Variants in AFAP1L1 observed in about 807,000 individuals in gnomAD.
AFAP1L1 encodes the protein actin filament-associated protein 1-like 1.
AFAP1L1 carries 77 observed loss-of-function variants against 99.8 expected under a neutral mutation model. That is an observed-to-expected ratio of 0.77 (90% CI 0.64 to 0.93). The LOEUF is 0.93. Ranked by LOEUF, AFAP1L1 falls within the 40% of genes least tolerant of loss-of-function variation. The pLI is 0.00. For missense variants in AFAP1L1, 893 were observed against 996.8 expected (o/e 0.90, Z 1.40); for synonymous variants, 373 against 395.3 (o/e 0.94, Z 0.67).
intron 16 of AFAP1L1, among the ~76,000 whole-genome samples, chr5:149,330,175 C>T (rs1479461850): frequency 6.6e-6 from 1 of 152,198 alleles, no homozygotes; most frequent in Non-Finnish European, 1.5e-5. Context: ...TCATTTTGAA[C>T]CGCACCTTCA....
intron 5 of AFAP1L1, among the ~76,000 whole-genome samples, chr5:149,305,365 C>T (rs1250338427): frequency 6.6e-6 from 1 of 152,320 alleles, no homozygotes; most frequent in South Asian, 2.1e-4. Flanking sequence ...CCAGGGACTG[C>T]CTGCATCAAA....
chr5:149,338,201 C>T lies in AFAP1L1; in HGVS notation c.2284-1806C>T, dbSNP rs536080937. On this transcript the variant is annotated intron_variant, in intron 18 of 18. Coordinates refer to ENST00000296721, the MANE Select transcript of AFAP1L1 (RefSeq NM_152406.4). ...CTTGGCCAGGCACAGTGGCTCACAC[C>T]TGTAATCCTAGCACTTTGGGTGGCT... 2.6e-5 allele frequency among the ~76,000 whole-genome samples: 4 copies of T among 152,316 alleles called. No individual in the cohort carries two copies. In the East Asian group the frequency reaches 7.7e-4, roughly 29 times the overall value.
chr5:149,316,619 G>T (rs970134994), intron 11 of AFAP1L1, among the ~76,000 whole-genome samples: 11 of 152,000 alleles, frequency 7.2e-5, no homozygotes, highest in Non-Finnish European at 1.5e-4. Flanking sequence ...ACAAGACAGG[G>T]GTATCTTATT....
intron 12 of AFAP1L1, 147 bp from the exon 13 acceptor site, chr5:149,319,435 G>A (rs1000141045): frequency 6.8e-6 from 6 of 878,196 alleles, no homozygotes; most frequent in Non-Finnish European, 1.0e-5. Flanking sequence ...ATTTCTGGAT[G>A]TGTGCTATAA....
At chr5:149,272,672 T>C (rs1450456896) in intron 1 of AFAP1L1, among the ~76,000 whole-genome samples, 1 of 152,186 alleles carries the variant, frequency 6.6e-6, no homozygotes, top group Non-Finnish European at 1.5e-5. Flanking sequence ...GAGGGCAGCA[T>C]TCGTAGGGGG....
rs752792827 is a variant in AFAP1L1 at position 149,335,636 on chromosome 5, C to A, written c.2197C>A (p.Leu733Ile). ...KPQNSVPEQP[L>I]PVNCVSELRK... ...CCAGAACAGCGTTCCAGAGCAACCTCTCCCTGTCAACTGTGTTTCTGAGCT... is the reference window on the plus strand; with the variant it reads ...CCAGAACAGCGTTCCAGAGCAACCTATCCCTGTCAACTGTGTTTCTGAGCT... The change falls in exon 18 of 19, where the codon CTC (leucine) becomes ATC (isoleucine). Residue 733 changes from leucine (L) to isoleucine (I), a missense_variant. By Grantham distance (5) the Leu-to-Ile change is conservative. Transcript: ENST00000296721. The A allele has an allele frequency of 3.7e-6, 6 of 1,613,126 alleles. No homozygotes were observed. The highest frequency in any genetic ancestry group is 5.1e-6 in the Non-Finnish European group (6 of 1,180,030).
rs778350434 is a variant in AFAP1L1 at position 149,322,580 on chromosome 5, G to C, written c.1699-26G>C. On this transcript the variant is annotated intron_variant, in intron 14 of 18. Coordinates refer to ENST00000296721, the MANE Select transcript of AFAP1L1 (RefSeq NM_152406.4). Reference sequence around the variant, plus strand: ...GATGAGTCTGCGCCTGCCTGAACTTGACTGTCTTCCTCCATCTCCCACCAG... The same window carrying C: ...GATGAGTCTGCGCCTGCCTGAACTTCACTGTCTTCCTCCATCTCCCACCAG... 3 of 1,541,406 alleles carry C rather than the reference G, an allele frequency of 1.9e-6. No individual in the cohort carries two copies. In the Admixed American group the frequency reaches 5.9e-5, roughly 30 times the overall value.
At chr5:149,284,501 G>A (rs1003699109) in intron 1 of AFAP1L1, among the ~76,000 whole-genome samples, 1 of 152,210 alleles carries the variant, frequency 6.6e-6, no homozygotes, top group Non-Finnish European at 1.5e-5. Flanking sequence ...GAAAGCAAAT[G>A]CCTAAAACTC....
chr5:149,326,927 G>T (rs1757112908), intron 15 of AFAP1L1, among the ~76,000 whole-genome samples: 1 of 152,178 alleles, frequency 6.6e-6, no homozygotes, highest in Non-Finnish European at 1.5e-5. Flanking sequence ...CAATAAAATA[G>T]TTCAGACAAG....
intron 16 of AFAP1L1, among the ~76,000 whole-genome samples, chr5:149,331,881 C>T (rs1316129589): frequency 6.6e-6 from 1 of 152,140 alleles, no homozygotes; most frequent in Admixed American, 6.5e-5. Flanking sequence ...TGTGATGCCA[C>T]AATGGCTGCA....
At chr5:149,274,677 G>A (rs1369959956) in intron 1 of AFAP1L1, among the ~76,000 whole-genome samples, 3 of 152,114 alleles carry the variant, frequency 2.0e-5, no homozygotes, top group Non-Finnish European at 4.4e-5. Flanking sequence ...TCAGGAGTTC[G>A]AGACCAGCCT....
intron 1 of AFAP1L1, among the ~76,000 whole-genome samples, chr5:149,293,643 C>G (rs997135861): frequency 6.6e-5 from 10 of 152,166 alleles, no homozygotes; most frequent in Non-Finnish European, 1.3e-4. Flanking sequence ...CAAATCTGTT[C>G]CTAATGCTAT....
In AFAP1L1 at chr5:149,342,003, G is replaced by A. The variant is rs939003573; in HGVS notation, c.*1973G>A. Among the ~76,000 whole-genome samples the A allele has an allele frequency of 2.0e-5, 3 of 152,096 alleles. No individual in the cohort carries two copies. Among genetic ancestry groups the A allele is most frequent in the African/African-American group, 7.2e-5 (3 of 41,380 alleles). ...GATGAACTCTCAGAGGAGTGGCTGG[G>A]GGTAATTAATAATTAACATTTATCA... On this transcript the variant is annotated 3_prime_UTR_variant, in exon 19 of 19. Coordinates refer to ENST00000296721, the MANE Select transcript of AFAP1L1 (RefSeq NM_152406.4).
intron 1 of AFAP1L1, among the ~76,000 whole-genome samples, chr5:149,273,328 A>G (rs897728810): frequency 6.6e-6 from 1 of 151,842 alleles, no homozygotes; most frequent in Non-Finnish European, 1.5e-5. Context: ...GAAGGGAGGA[A>G]AAAAAGAAGG....
chr5:149,305,124 G>A (rs1445097540), intron 5 of AFAP1L1, among the ~76,000 whole-genome samples: 1 of 152,216 alleles, frequency 6.6e-6, no homozygotes, highest in Non-Finnish European at 1.5e-5. Flanking sequence ...AATAACAGCT[G>A]GCACTTGTTT....
In AFAP1L1 at chr5:149,341,713, C is replaced by A. The variant is rs371863573; in HGVS notation, c.*1683C>A. ...TTGAGACTGTAGTGCACTATGATCA[C>A]GCCTGTGAATTGCCACTGCACTCCA... is the stretch of plus-strand genomic sequence containing the variant. On this transcript the variant is annotated 3_prime_UTR_variant, in exon 19 of 19. Transcript: ENST00000296721. 4.0e-5 allele frequency: 6 copies of A among 151,832 alleles called. No individual in the cohort carries two copies. The highest frequency in any genetic ancestry group is 1.5e-4 in the African/African-American group (6 of 41,298). The allele number at this position is 151,832 out of a possible 1,614,324, so 9.4% of individuals were successfully genotyped here.
intron 18 of AFAP1L1, among the ~76,000 whole-genome samples, chr5:149,336,363 G>A (rs1411039789): frequency 3.9e-5 from 6 of 152,188 alleles, no homozygotes; most frequent in Non-Finnish European, 8.8e-5. Context: ...CACCAAATGA[G>A]TCTATACCAA....
At chr5:149,279,978 G>A (rs1755463852) in intron 1 of AFAP1L1, among the ~76,000 whole-genome samples, 1 of 152,148 alleles carries the variant, frequency 6.6e-6, no homozygotes, top group South Asian at 2.1e-4. Context: ...GTTGGGGCAG[G>A]GCTCTCCTCT....
chr5:149,312,041 C>T (rs1303531806), intron 8 of AFAP1L1, 71 bp from the exon 9 acceptor site: 3 of 1,399,136 alleles, frequency 2.1e-6, no homozygotes, highest in African/African-American at 1.4e-5. Context: ...ATTCACCACA[C>T]AGTCCCCATT....
Sources: gnomAD v4.1 joint callset for allele counts (sites outside exome capture counted in the v4.1 genomes callset) on GRCh38, gnomAD v4.1.1 for gene constraint, MANE v1.5 for transcripts, NCBI Gene and HGNC (gene_info 2026-07-23, HGNC 2026-07-21) for gene names.